Variants in MDGA2 observed in about 807,000 individuals in gnomAD.
MDGA2 encodes MAM domain-containing glycosylphosphatidylinositol anchor protein 2.
MDGA2 carries 40 observed loss-of-function variants against 117.8 expected under a neutral mutation model. The ratio of observed to expected loss-of-function variants is 0.34; its 90% confidence interval spans 0.26 to 0.44. The LOEUF is 0.44. Among genes scored for constraint, MDGA2 ranks in the 20% least tolerant of loss-of-function variants. MDGA2 has a pLI of 1.00. For missense variants in MDGA2, 1,123 were observed against 1,250.6 expected (o/e 0.90, Z 1.54); for synonymous variants, 452 against 439.0 (o/e 1.03, Z -0.37).
At chr14:47,616,064 G>T (rs1896944002) in intron 1 of MDGA2, among the ~76,000 whole-genome samples, 1 of 152,192 alleles carries the variant, frequency 6.6e-6, no homozygotes, top group African/African-American at 2.4e-5. Context: ...GAGGAAGAGA[G>T]ATCAGGACCA....
At chr14:47,163,532 C>A (rs1409065941) in intron 3 of MDGA2, among the ~76,000 whole-genome samples, 1 of 152,070 alleles carries the variant, frequency 6.6e-6, no homozygotes, top group Non-Finnish European at 1.5e-5. Context: ...CTGCCGCCAT[C>A]CATGCAAGAT....
chr14:47,495,523 A>C (rs1480512484), intron 1 of MDGA2, among the ~76,000 whole-genome samples: 1 of 152,206 alleles, frequency 6.6e-6, no homozygotes, highest in African/African-American at 2.4e-5. Flanking sequence ...AAATCAAATC[A>C]ACCAGGTTTG....
intron 3 of MDGA2, among the ~76,000 whole-genome samples, chr14:47,153,616 C>T (rs140584459): frequency 1.3e-5 from 2 of 150,712 alleles, no homozygotes; most frequent in Non-Finnish European, 3.0e-5. Flanking sequence ...GGGAATGGAC[C>T]ACTCAAGGAA....
At chr14:47,440,457 G>A (rs1892984503) in intron 1 of MDGA2, among the ~76,000 whole-genome samples, 1 of 152,092 alleles carries the variant, frequency 6.6e-6, no homozygotes, top group South Asian at 2.1e-4. Context: ...CCTTGTCTTA[G>A]CGTCTGCTTA....
chr14:47,317,959 T>A (rs560078518), intron 1 of MDGA2, among the ~76,000 whole-genome samples: 20 of 152,244 alleles, frequency 1.3e-4, no homozygotes, highest in African/African-American at 4.1e-4. Context: ...GTGTCTTTTT[T>A]CAGCCTTTCC....
At chr14:46,966,615 G>A (rs1886039752) in intron 8 of MDGA2, among the ~76,000 whole-genome samples, 6 of 152,056 alleles carry the variant, frequency 3.9e-5, no homozygotes, top group Admixed American at 3.9e-4. Flanking sequence ...ATTAATTTTG[G>A]TATTACCCAT....
At chr14:47,406,303 C>G (rs1451564872) in intron 1 of MDGA2, among the ~76,000 whole-genome samples, 2 of 151,974 alleles carry the variant, frequency 1.3e-5, no homozygotes, top group Non-Finnish European at 2.9e-5. Flanking sequence ...ATTCCAGCAT[C>G]CTTTAAAATG....
At chr14:47,170,388 C>A (rs1193493996) in intron 3 of MDGA2, among the ~76,000 whole-genome samples, 1 of 152,062 alleles carries the variant, frequency 6.6e-6, no homozygotes, top group Non-Finnish European at 1.5e-5. Flanking sequence ...TTGTCAGAGC[C>A]AACTATGTGT....
intron 8 of MDGA2, among the ~76,000 whole-genome samples, chr14:47,023,726 T>C (rs1888375619): frequency 6.6e-6 from 1 of 152,186 alleles, no homozygotes; most frequent in African/African-American, 2.4e-5. Context: ...GGAATTACTA[T>C]ACTTTTAATT....
At position 46,874,071 on chromosome 14, in the gene MDGA2, T is replaced by A; in HGVS notation, c.2567A>T (p.Asn856Ile). The A allele has an allele frequency of 1.3e-6, 2 of 1,556,054 alleles. No individual in the cohort carries two copies. The highest frequency in any genetic ancestry group is 1.7e-6 in the Non-Finnish European group (2 of 1,155,984). Residue 856 changes from asparagine (N) to isoleucine (I), a missense_variant, in exon 13 of 17, where the codon AAT becomes ATT. Coordinates refer to ENST00000399232, the MANE Select transcript of MDGA2 (RefSeq NM_001113498.3). ...TTCTTTGGAGCCACTACGGTCAGCATTAGGTCCTGTATTAGGAGTATATTT... is the reference window on the plus strand; with the variant it reads ...TTCTTTGGAGCCACTACGGTCAGCAATAGGTCCTGTATTAGGAGTATATTT... ...NTKYTPNTGP[N>I]ADRSGSKEGF...
chr14:47,401,812 G>A (rs1010348598), intron 1 of MDGA2, among the ~76,000 whole-genome samples: 1 of 152,172 alleles, frequency 6.6e-6, no homozygotes, highest in African/African-American at 2.4e-5. Context: ...CAGTTTTGCT[G>A]AGTAAATTAA....
chr14:47,119,188 A>G lies in MDGA2; in HGVS notation c.925+12526T>C, dbSNP rs9805987. On this transcript the variant is annotated intron_variant, in intron 5 of 16. Coordinates refer to ENST00000399232, the MANE Select transcript of MDGA2 (RefSeq NM_001113498.3). Reference sequence around the variant, plus strand: ...GCCTCAGCCCCGCCCCCCCCCCCCCACCCCGTAGCTGGGACTACAGGCACC... The same window carrying G: ...GCCTCAGCCCCGCCCCCCCCCCCCCGCCCCGTAGCTGGGACTACAGGCACC... 1.7e-4 allele frequency among the ~76,000 whole-genome samples: 9 copies of G among 54,022 alleles called. 1 individual carries two copies. Among genetic ancestry groups the G allele is most frequent in the Admixed American group, 2.5e-4 (1 of 3,970 alleles). 35.4% of individuals were successfully genotyped at this position (54,022 alleles called of 152,430 possible).
chr14:47,066,660 C>G (rs999367642), intron 6 of MDGA2, among the ~76,000 whole-genome samples: 6 of 151,778 alleles, frequency 4.0e-5, no homozygotes, highest in African/African-American at 1.5e-4. Flanking sequence ...TTATATGCTT[C>G]AGATAATAAT....
intron 1 of MDGA2, among the ~76,000 whole-genome samples, chr14:47,586,440 A>G (rs1896326452): frequency 6.6e-6 from 1 of 151,898 alleles, no homozygotes; most frequent in African/African-American, 2.4e-5. Flanking sequence ...CTTTGCTAGG[A>G]TGATCTTAGA....
rs77278518 is a variant in MDGA2, at chr14:46,997,014, G to A, written c.1819+37997C>T. On this transcript the variant is annotated intron_variant, in intron 8 of 16. Coordinates refer to ENST00000399232, the MANE Select transcript of MDGA2 (RefSeq NM_001113498.3). ...TTACAGTGGCCAAAAACTAGGTGTT[G>A]GATTTGATTAAGGTTTGCCCAAGGT... The A allele has an allele frequency of 9.4e-3, 3,278 of 349,650 alleles. 49 individuals carry two copies. The highest frequency in any genetic ancestry group is 0.014 in the Non-Finnish European group (2,579 of 185,734). The allele number at this position is 349,650 out of a possible 1,614,324, so 21.7% of individuals were successfully genotyped here. A position where few individuals can be genotyped will look rare whatever the true frequency, so the allele number is the denominator to read the frequency against.
At position 47,540,540 on chromosome 14, in the gene MDGA2, G is replaced by GTGTGTGTGTGTGTGTGTATATATATA; in HGVS notation, c.280+133976_280+133977insTATATATATACACACACACACACACA. Among the ~76,000 whole-genome samples the GTGTGTGTGTGTGTGTGTATATATATA allele has an allele frequency of 6.3e-4, 50 of 79,210 alleles. 1 individual carries two copies. Among genetic ancestry groups the GTGTGTGTGTGTGTGTGTATATATATA allele is most frequent in the Middle Eastern group, 6.3e-3 (1 of 160 alleles). The allele number at this position is 79,210 out of a possible 152,430, so 52.0% of individuals were successfully genotyped here. ...TGTATATGTGTGTGTGTGTGTGTGT[G>GTGTGTGTGTGTGTGTGTATATATATA]TATATATATATATGTATATATATAC... On this transcript the variant is annotated intron_variant, in intron 1 of 16. Coordinates refer to ENST00000399232, the MANE Select transcript of MDGA2 (RefSeq NM_001113498.3).
At chr14:47,603,659 T>C (rs536810090) in intron 1 of MDGA2, among the ~76,000 whole-genome samples, 77 of 152,198 alleles carry the variant, frequency 5.1e-4, no homozygotes, top group African/African-American at 1.5e-3. Context: ...CTCTTTCTGC[T>C]CTCTTCCCTT....
intron 1 of MDGA2, among the ~76,000 whole-genome samples, chr14:47,383,983 T>TTA (rs146001618): frequency 7.1e-6 from 1 of 141,674 alleles, no homozygotes; most frequent in African/African-American, 2.6e-5. Flanking sequence ...AATAGATAGA[T>TTA]GATAGATAGA....
chr14:47,119,907 C>G (rs952726025), intron 5 of MDGA2, among the ~76,000 whole-genome samples: 3 of 152,072 alleles, frequency 2.0e-5, no homozygotes, highest in African/African-American at 7.2e-5. Context: ...TTAATTTGCA[C>G]TTAATATGTG....
Sources: gnomAD v4.1 joint callset for allele counts (sites outside exome capture counted in the v4.1 genomes callset) on GRCh38, gnomAD v4.1.1 for gene constraint, MANE v1.5 for transcripts, NCBI Gene and HGNC (gene_info 2026-07-23, HGNC 2026-07-21) for gene names.